The following HMGCLL1 variants were observed in gnomAD, a reference collection of about 807,000 sequenced individuals.
HMGCLL1 encodes 3-hydroxy-3-methylglutaryl-CoA lyase like 1.
HMGCLL1 carries 36 observed loss-of-function variants against 39.1 expected under a neutral mutation model. That is an observed-to-expected ratio of 0.92 (90% CI 0.71 to 1.22). HMGCLL1 has a LOEUF of 1.22. Among genes scored for constraint, HMGCLL1 ranks in the 50% most tolerant of loss-of-function variants. The pLI, the probability that HMGCLL1 is intolerant of heterozygous loss-of-function variation, is 0.00. For missense variants in HMGCLL1, 451 were observed against 416.5 expected (o/e 1.08, Z -0.72); for synonymous variants, 149 against 144.0 (o/e 1.03, Z -0.25).
chr6:55,571,125 A>G (rs1256386149), intron 1 of HMGCLL1, among the ~76,000 whole-genome samples: 5 of 152,218 alleles, frequency 3.3e-5, no homozygotes, highest in Non-Finnish European at 4.4e-5. Flanking sequence ...GGTTGGGGAC[A>G]CAGCCAAACC....
the HMGCLL1 span, among the ~76,000 whole-genome samples, chr6:55,611,336 TCA>T: frequency 6.6e-5 from 10 of 151,918 alleles, no homozygotes; most frequent in African/African-American, 2.2e-4. Context: ...CACCCTAACA[TCA>T]CAACTAAAAG....
the HMGCLL1 span, among the ~76,000 whole-genome samples, chr6:55,614,088 C>T: frequency 6.6e-6 from 1 of 151,868 alleles, no homozygotes; most frequent in African/African-American, 2.4e-5. Flanking sequence ...TATGATTTTT[C>T]TATTTGATTA....
intron 7 of HMGCLL1, among the ~76,000 whole-genome samples, chr6:55,452,707 G>A (rs889976542): frequency 1.3e-5 from 2 of 152,162 alleles, no homozygotes; most frequent in African/African-American, 4.8e-5. Flanking sequence ...CTTGACTTGT[G>A]TGCATAATTT....
At position 55,490,582 on chromosome 6, in the gene HMGCLL1, C is replaced by T. The variant is rs772293441; in HGVS notation, c.795+4837G>A. ...TCTTGGTGAGCTTGAAGTTTGTGATCTAAGTATAGTCTGTTGCATGAAGAT... is the reference window on the plus strand; with the variant it reads ...TCTTGGTGAGCTTGAAGTTTGTGATTTAAGTATAGTCTGTTGCATGAAGAT... On this transcript the variant is annotated intron_variant, in intron 7 of 8. Coordinates refer to ENST00000274901, the MANE Select transcript of HMGCLL1 (RefSeq NM_001042406.2). Among the ~76,000 whole-genome samples, 56 of 152,016 alleles carry T rather than the reference C, an allele frequency of 3.7e-4. 1 individual carries two copies. The highest frequency in any genetic ancestry group is 1.2e-4 in the Non-Finnish European group (8 of 67,996).
At chr6:55,617,002 G>A in the HMGCLL1 span, among the ~76,000 whole-genome samples, 1 of 151,900 alleles carries the variant, frequency 6.6e-6, no homozygotes, top group African/African-American at 2.4e-5. Context: ...AAAATAATAA[G>A]ACAAAGAGAA....
At chr6:55,452,073 A>G (rs1764117765) in intron 7 of HMGCLL1, among the ~76,000 whole-genome samples, 1 of 152,202 alleles carries the variant, frequency 6.6e-6, no homozygotes, top group Non-Finnish European at 1.5e-5. Context: ...TAATATCAAG[A>G]TCAAGGTGCA....
chr6:55,544,657 G>A (rs1172703433), intron 1 of HMGCLL1, among the ~76,000 whole-genome samples: 3 of 152,104 alleles, frequency 2.0e-5, no homozygotes, highest in Admixed American at 6.6e-5. Context: ...AATATTCAAA[G>A]GCCATTTTTA....
chr6:55,523,503 A>G (rs1310152610), intron 3 of HMGCLL1, among the ~76,000 whole-genome samples: 2 of 151,964 alleles, frequency 1.3e-5, no homozygotes, highest in Non-Finnish European at 2.9e-5. Flanking sequence ...TGGCGATTGG[A>G]ATACCATTTA....
the HMGCLL1 span, among the ~76,000 whole-genome samples, chr6:55,636,261 T>G: frequency 4.6e-5 from 7 of 152,178 alleles, no homozygotes; most frequent in African/African-American, 1.7e-4. Context: ...ATATTTTGAA[T>G]GCTGATGTGT....
At chr6:55,477,405 C>T (rs57354188) in intron 7 of HMGCLL1, among the ~76,000 whole-genome samples, 12 of 28,232 alleles carry the variant, frequency 4.3e-4, no homozygotes, top group Admixed American at 1.2e-3. Context: ...TATATATTAT[C>T]TAAATATATA....
intron 7 of HMGCLL1, among the ~76,000 whole-genome samples, chr6:55,458,143 T>C (rs927314322): frequency 2.0e-5 from 3 of 152,222 alleles, no homozygotes; most frequent in Admixed American, 2.0e-4. Context: ...AACTCTCATG[T>C]TTTTCCTTAA....
chr6:55,469,298 T>C (rs984870096), intron 7 of HMGCLL1, among the ~76,000 whole-genome samples: 2 of 150,680 alleles, frequency 1.3e-5, no homozygotes, highest in Non-Finnish European at 1.5e-5. Context: ...GCTTCCCATC[T>C]ACATATTCAC....
chr6:55,555,449 CTATT>C (rs1770603025), intron 1 of HMGCLL1, among the ~76,000 whole-genome samples: 1 of 152,336 alleles, frequency 6.6e-6, no homozygotes, highest in Non-Finnish European at 1.5e-5. Flanking sequence ...ATATATGCAT[CTATT>C]TGTTTGTCTA....
At chr6:55,593,814 A>G in the HMGCLL1 span, among the ~76,000 whole-genome samples, 1 of 152,126 alleles carries the variant, frequency 6.6e-6, no homozygotes, top group Admixed American at 6.6e-5. Context: ...TACTCCTCAT[A>G]ATAATCACTT....
chr6:55,439,364 C>A, intron 8 of HMGCLL1, 70 bp downstream of exon 8: 1 of 1,469,504 alleles, frequency 6.8e-7, no homozygotes, highest in Non-Finnish European at 9.2e-7. Context: ...TTGCTTCCCA[C>A]ATCTTAGAAG....
chr6:55,591,653 C>A, the HMGCLL1 span, among the ~76,000 whole-genome samples: 1 of 149,146 alleles, frequency 6.7e-6, no homozygotes, highest in South Asian at 2.1e-4. Flanking sequence ...TTTTCCCAAA[C>A]TAATGAAGTT....
At chr6:55,624,290 T>C in the HMGCLL1 span, among the ~76,000 whole-genome samples, 1 of 152,166 alleles carries the variant, frequency 6.6e-6, no homozygotes, top group Non-Finnish European at 1.5e-5. Context: ...TGGATTATCA[T>C]GAGTTTAACC....
intron 1 of HMGCLL1, among the ~76,000 whole-genome samples, chr6:55,556,007 C>T (rs944226153): frequency 2.0e-5 from 3 of 152,042 alleles, no homozygotes; most frequent in African/African-American, 7.2e-5. Flanking sequence ...GGCCAGTATG[C>T]AGGATCTTTG....
chr6:55,579,108 G>A lies in HMGCLL1; in HGVS notation c.-53C>T, dbSNP rs747140733. 5 of 1,380,996 alleles carry A rather than the reference G, an allele frequency of 3.6e-6. No homozygotes were observed. The highest frequency in any genetic ancestry group is 4.9e-5 in the East Asian group (2 of 40,746). 85.5% of individuals were successfully genotyped at this position (1,380,996 alleles called of 1,614,324 possible). ...GGGGAGGGAGACTGGAGGAGGATGAGGGGCGGGCACCGCGCTGGGAAACTG... is the reference window on the plus strand; with the variant it reads ...GGGGAGGGAGACTGGAGGAGGATGAAGGGCGGGCACCGCGCTGGGAAACTG... On this transcript the variant is annotated 5_prime_UTR_variant, in exon 1 of 9. Coordinates refer to ENST00000274901, the MANE Select transcript of HMGCLL1 (RefSeq NM_001042406.2).
Sources: allele counts gnomAD v4.1 joint callset (sites outside exome capture counted in the v4.1 genomes callset), GRCh38; gene constraint gnomAD v4.1.1; transcripts MANE v1.5; gene names NCBI Gene and HGNC (gene_info 2026-07-23, HGNC 2026-07-21).